RIPOR3: variants seen among roughly 807,000 people sequenced by gnomAD.
RIPOR3 encodes RIPOR family member 3.
Under a neutral mutation model 114.3 loss-of-function variants are expected in RIPOR3, and 95 were observed. The ratio of observed to expected loss-of-function variants is 0.83; its 90% CI spans 0.70 to 0.99. The LOEUF is 0.99. Ranked by LOEUF, RIPOR3 falls within the 50% of genes least tolerant of loss-of-function variation. The probability of loss-of-function intolerance (pLI) is 0.00; values close to 1 mark genes in which losing one functional copy is unlikely to be tolerated. For synonymous variants in RIPOR3, 575 were observed against 543.8 expected, an observed-to-expected ratio of 1.06 and a Z score of -0.80; for missense variants, 1,252 against 1,266.9, an observed-to-expected ratio of 0.99 and a Z score of 0.18.
intron 1 of RIPOR3, among the ~76,000 whole-genome samples, chr20:50,669,301 T>C (rs1239024443): frequency 6.6e-6 from 1 of 152,180 alleles, no homozygotes; most frequent in Non-Finnish European, 1.5e-5. Flanking sequence ...ACACCCTCAT[T>C]ACTCATAGGC....
At chr20:50,667,100 T>C (rs143422175) in intron 1 of RIPOR3, among the ~76,000 whole-genome samples, 222 of 152,190 alleles carry the variant, frequency 1.5e-3, no homozygotes, top group African/African-American at 5.0e-3. Flanking sequence ...AAATTTTCTT[T>C]TTAAAGCATC....
chr20:50,597,759 C>T, intron 13 of RIPOR3, 49 bp from the exon 14 acceptor site: 2 of 1,593,828 alleles, frequency 1.3e-6, no homozygotes, highest in Non-Finnish European at 1.7e-6. Flanking sequence ...CCCCACCCAC[C>T]CGACTGGGAC....
At chr20:50,682,957 C>T (rs1444471284) in intron 1 of RIPOR3, among the ~76,000 whole-genome samples, 1 of 152,074 alleles carries the variant, frequency 6.6e-6, no homozygotes, top group Admixed American at 6.6e-5. Flanking sequence ...GAACTCCTGA[C>T]CTCAGGTGAT....
chr20:50,666,254 A>G (rs56401930), intron 1 of RIPOR3, among the ~76,000 whole-genome samples: 1,397 of 53,312 alleles, frequency 0.026, 49 homozygotes, highest in African/African-American at 0.062. Flanking sequence ...TCTGTTGCCC[A>G]GAGTCACGCT....
chr20:50,621,795 G>A, intron 2 of RIPOR3, among the ~76,000 whole-genome samples: 1 of 152,196 alleles, frequency 6.6e-6, no homozygotes, highest in East Asian at 1.9e-4. Context: ...TGAGCCAACT[G>A]GCTCTCTTTT....
chr20:50,590,438 A>C (rs1255545769), intron 19 of RIPOR3, among the ~76,000 whole-genome samples: 1 of 152,210 alleles, frequency 6.6e-6, no homozygotes, highest in African/African-American at 2.4e-5. Flanking sequence ...GAGTGGCTGC[A>C]CCTTCAACTG....
intron 1 of RIPOR3, among the ~76,000 whole-genome samples, chr20:50,680,717 C>A (rs1178697108): frequency 2.0e-5 from 3 of 152,284 alleles, no homozygotes; most frequent in Non-Finnish European, 4.4e-5. Context: ...CCAGCCAGAC[C>A]AGAGTGGACA....
At chr20:50,685,200 T>A (rs377246161) in intron 1 of RIPOR3, among the ~76,000 whole-genome samples, 7 of 151,032 alleles carry the variant, frequency 4.6e-5, no homozygotes, top group African/African-American at 1.5e-4. Context: ...GAGCCCTTCT[T>A]GAGAGCTGAT....
chr20:50,633,375 C>G (rs992843629), intron 1 of RIPOR3, among the ~76,000 whole-genome samples: 1 of 152,240 alleles, frequency 6.6e-6, no homozygotes, highest in African/African-American at 2.4e-5. Context: ...AACGTATTTA[C>G]ACCACAGAAA....
Position 50,604,793 on chromosome 20 carries a change from G to T in RIPOR3, c.957-19C>A, listed in dbSNP as rs776234989. 5.0e-5 allele frequency: 80 copies of T among 1,603,348 alleles called. No individual in the cohort carries two copies. The highest frequency in any genetic ancestry group is 6.8e-5 in the Non-Finnish European group (80 of 1,176,650). On this transcript the variant is annotated intron_variant, in intron 11 of 21. Transcript: ENST00000327979. Reference sequence around the variant, plus strand: ...AAACGGGCTGGAGGAGAGAACAGAAGGTCAGGATGCCATCGGCACCCAGAG... The same window carrying T: ...AAACGGGCTGGAGGAGAGAACAGAATGTCAGGATGCCATCGGCACCCAGAG...
chr20:50,611,522 C>T (rs890570200), intron 4 of RIPOR3, among the ~76,000 whole-genome samples: 10 of 152,138 alleles, frequency 6.6e-5, no homozygotes, highest in East Asian at 1.9e-4. Context: ...GTAGGAGAAG[C>T]GCCTACCTCA....
chr20:50,587,269 A>G lies in RIPOR3; in HGVS notation c.2816T>C (p.Phe939Ser). The G allele has an allele frequency of 6.2e-7, 1 of 1,614,230 alleles. No individual in the cohort carries two copies. Among genetic ancestry groups the G allele is most frequent in the South Asian group, 1.1e-5 (1 of 91,088 alleles). The change falls in exon 22 of 22, where the codon TTT (phenylalanine) becomes TCT (serine). Residue 939 changes from phenylalanine (F) to serine (S), a missense_variant. Physicochemically the swap from Phe to Ser is radical, Grantham distance 155 (BLOSUM62 -2). Transcript: ENST00000327979. ...GATTTCAACATCTGCCTCCTGGCAAAAGACTTCTCTTTGTTCTGAGCAGAG... is the reference window on the plus strand; with the variant it reads ...GATTTCAACATCTGCCTCCTGGCAAGAGACTTCTCTTTGTTCTGAGCAGAG... ...DKLCSEQREV[F>S]CQEADVEITI... is the part of the protein sequence containing the mutation.
At chr20:50,632,578 G>A (rs1429199726) in intron 1 of RIPOR3, among the ~76,000 whole-genome samples, 4 of 152,240 alleles carry the variant, frequency 2.6e-5, no homozygotes, top group East Asian at 1.9e-4. Flanking sequence ...GAGTGGCTAC[G>A]AATCCATGAA....
chr20:50,619,646 C>T (rs750979091), intron 3 of RIPOR3, among the ~76,000 whole-genome samples: 1 of 152,248 alleles, frequency 6.6e-6, no homozygotes, highest in Non-Finnish European at 1.5e-5. Context: ...CCTCGACGCA[C>T]TGTCTCTCTG....
At chr20:50,661,002 C>T (rs2085976902) in intron 1 of RIPOR3, among the ~76,000 whole-genome samples, 1 of 151,790 alleles carries the variant, frequency 6.6e-6, no homozygotes, top group Admixed American at 6.6e-5. Context: ...CTTTGGGAGG[C>T]CGAGGTGAGT....
At chr20:50,643,300 G>GTTT (rs35657879) in intron 1 of RIPOR3, among the ~76,000 whole-genome samples, 76 of 129,344 alleles carry the variant, frequency 5.9e-4, no homozygotes, top group African/African-American at 2.2e-3. Flanking sequence ...TTTTGTGTGT[G>GTTT]TTTTTTTTTT....
chr20:50,610,738 C>G, intron 6 of RIPOR3, 115 bp downstream of exon 6: 6 of 1,405,638 alleles, frequency 4.3e-6, no homozygotes, highest in Non-Finnish European at 5.0e-6. Context: ...TGCCCCATAC[C>G]CAGAGGCCCT....
chr20:50,656,567 C>T (rs1444445387), intron 1 of RIPOR3, among the ~76,000 whole-genome samples: 1 of 151,962 alleles, frequency 6.6e-6, no homozygotes, highest in East Asian at 1.9e-4. Flanking sequence ...TGCTGTGTTG[C>T]CCAGGCTGGC....
At chr20:50,597,489 A>G (rs1465147883) in intron 14 of RIPOR3, 91 bp downstream of exon 14, 4 of 1,509,858 alleles carry the variant, frequency 2.6e-6, no homozygotes, top group East Asian at 4.9e-5. Context: ...AGTGGGAGAA[A>G]CAGACGGGGA....
Sources: allele counts gnomAD v4.1 joint callset (sites outside exome capture counted in the v4.1 genomes callset), GRCh38; gene constraint gnomAD v4.1.1; transcripts MANE v1.5; gene names NCBI Gene and HGNC (gene_info 2026-07-23, HGNC 2026-07-21).